TAC1: variants seen among roughly 807,000 people sequenced by gnomAD.
The protein encoded by TAC1 is tachykinin precursor 1.
In TAC1, 12 loss-of-function variants were observed where a neutral mutation model predicts 21.7. That is an observed-to-expected ratio of 0.55 (90% CI 0.35 to 0.89). The LOEUF (loss-of-function observed/expected upper bound fraction) is 0.89. Ranked by LOEUF, TAC1 falls within the 40% of genes least tolerant of loss-of-function variation. The pLI, the probability that TAC1 is intolerant of heterozygous loss-of-function variation, is 0.01. For missense variants in TAC1, 128 were observed against 151.4 expected (o/e 0.85, Z 0.81); for synonymous variants, 52 against 52.0 (o/e 1.00, Z 0.00).
chr7:97,734,155 G>A, intron 3 of TAC1, 93 bp from the exon 4 acceptor site: 2 of 1,234,854 alleles, frequency 1.6e-6, no homozygotes, highest in South Asian at 1.3e-5. Flanking sequence ...CCTGAGGTGA[G>A]AGTACATTTG....
At position 97,732,624 on chromosome 7, in the gene TAC1, C is replaced by G. The variant is rs201382322; in HGVS notation, c.12C>G (p.Leu4=). Residue 4 remains leucine, a synonymous_variant, in exon 2 of 7, where the codon CTC becomes CTG. Transcript: ENST00000319273. This position sits in a 1 kb window ranked among gnomAD's most constrained non-coding sequence, Gnocchi z 6.2. The part of the protein sequence containing the change: MKI[L]VALAVFFLVS... ...CCCAGAAATCCAACATGAAAATCCT[C>G]GTGGCCTTGGCAGTCTTTTTTCTTG... The G allele has an allele frequency of 1.6e-3, 2,555 of 1,614,156 alleles. 48 individuals are homozygous for G. The South Asian group carries it at 0.026, about 17-fold the overall frequency.
chr7:97,736,486 TG>T, intron 6 of TAC1, 134 bp downstream of exon 6: 1 of 794,640 alleles, frequency 1.3e-6, no homozygotes, highest in Non-Finnish European at 2.0e-6. Context: ...ATTTAATTGT[TG>T]TACTTGTAAC....
At chr7:97,733,597 C>T in intron 2 of TAC1, 126 bp from the exon 3 acceptor site, 2 of 836,982 alleles carry the variant, frequency 2.4e-6, no homozygotes, top group South Asian at 1.6e-5. Flanking sequence ...CCCGCTCAGC[C>T]CGAGCGTGGG....
In TAC1 at chr7:97,734,240, CTT is replaced by C; in HGVS notation, c.221-7_221-6del. 1 of 1,613,598 alleles carries C rather than the reference CTT, an allele frequency of 6.2e-7. No individual in the cohort carries two copies. Among genetic ancestry groups the C allele is most frequent in the Non-Finnish European group, 8.5e-7 (1 of 1,179,564 alleles). On this transcript the variant is annotated splice_polypyrimidine_tract_variant and splice_region_variant and intron_variant, in intron 3 of 6. Transcript: ENST00000319273. ...ACATGTAGTTAATGACAATTCGTCT[CTT>C]GTCAGATTCCTCAATTGAAAAACAA...
rs758561919 is a variant in TAC1 at position 97,739,971 on chromosome 7, A to G, written c.*51A>G. On this transcript the variant is annotated 3_prime_UTR_variant, in exon 7 of 7. Coordinates refer to ENST00000319273, the MANE Select transcript of TAC1 (RefSeq NM_003182.3). ...GCTTCATTTGTGTCAATGGGCAATG[A>G]CAGGTAAATTAAGACATGCACTATG... 2 of 1,338,706 alleles carry G rather than the reference A, an allele frequency of 1.5e-6. No homozygotes were observed. The highest frequency in any genetic ancestry group is 2.6e-5 in the South Asian group (2 of 76,698). The allele number at this position is 1,338,706 out of a possible 1,614,324, so 82.9% of individuals were successfully genotyped here.
chr7:97,738,997 A>AAATATAATAT (rs573282115), intron 6 of TAC1, among the ~76,000 whole-genome samples: 55 of 148,436 alleles, frequency 3.7e-4, no homozygotes, highest in African/African-American at 1.2e-3. Context: ...TATATATAAT[A>AAATATAATAT]AATATAATAT....
chr7:97,736,238 T>G, intron 5 of TAC1, 61 bp from the exon 6 acceptor site: 1 of 1,405,128 alleles, frequency 7.1e-7, no homozygotes. Context: ...TTGTTCTGGT[T>G]ATAATAGTTT....
chr7:97,739,015 T>TATAATATAATATAATATAATATAATATA (rs1562785791), intron 6 of TAC1, among the ~76,000 whole-genome samples: 1 of 150,186 alleles, frequency 6.7e-6, no homozygotes, highest in African/African-American at 2.4e-5. Context: ...TATAATATAA[T>TATAATATAATATAATATAATATAATATA]ATACAATTTT....
At chr7:97,734,986 G>T (rs1789548786) in intron 5 of TAC1, 137 bp downstream of exon 5, 1 of 630,492 alleles carries the variant, frequency 1.6e-6, no homozygotes, top group East Asian at 2.9e-5. Context: ...AAGAATGGGG[G>T]AGATTCATAT....
Position 97,732,396 on chromosome 7 carries a change from G to A in TAC1, c.-10+201G>A, listed in dbSNP as rs1211219586. ...GTTGGTGGGTTAGGGGGCTGGGGGA[G>A]TTGGGATTCAGGGAGAAGAGGGTTG... On this transcript the variant is annotated intron_variant, in intron 1 of 6. Transcript: ENST00000319273. This position sits in a 1 kb window ranked among gnomAD's most constrained non-coding sequence, Gnocchi z 6.2. 1.3e-5 allele frequency among the ~76,000 whole-genome samples: 2 copies of A among 152,198 alleles called. No individual in the cohort carries two copies. The highest frequency in any genetic ancestry group is 2.9e-5 in the Non-Finnish European group (2 of 68,034).
At position 97,734,779 on chromosome 7, in the gene TAC1, T is replaced by C. The variant is rs774692996; in HGVS notation, c.266-47T>C. The C allele has an allele frequency of 9.5e-6, 14 of 1,466,894 alleles. No individual in the cohort carries two copies. In the African/African-American group the frequency reaches 2.0e-4, roughly 21 times the overall value. 90.9% of individuals were successfully genotyped at this position (1,466,894 alleles called of 1,614,324 possible). On this transcript the variant is annotated intron_variant, in intron 4 of 6. Transcript: ENST00000319273. Reference sequence around the variant, plus strand: ...TTTATAAAAGATATAATGTAGCATCTTTAAAAACAAATCTATATGTGTTTG... The same window carrying C: ...TTTATAAAAGATATAATGTAGCATCCTTAAAAACAAATCTATATGTGTTTG...
Position 97,732,841 on chromosome 7 carries a change from GGAAA to G in TAC1, c.123+109_123+112del, listed in dbSNP as rs1392339287. 7 of 1,414,704 alleles carry G rather than the reference GGAAA, an allele frequency of 4.9e-6. No homozygotes were observed. The highest frequency in any genetic ancestry group is 6.7e-6 in the Non-Finnish European group (7 of 1,050,988). The allele number at this position is 1,414,704 out of a possible 1,614,324, so 87.6% of individuals were successfully genotyped here. A position where few individuals can be genotyped will look rare whatever the true frequency, so the allele number is the denominator to read the frequency against. On this transcript the variant is annotated intron_variant, in intron 2 of 6. Transcript: ENST00000319273. The surrounding 1 kb of genome is among the most constrained non-coding windows in gnomAD (Gnocchi z 6.2). ...TTAACGTGGCACGCACCGCCACCAC[GGAAA>G]GAGGCAGCGGTTGCGTGCGAGAGGA...
At position 97,732,885 on chromosome 7, in the gene TAC1, A is replaced by C; in HGVS notation, c.123+150A>C. ...GTGCGAGAGGATGGAAAGGGGCACT[A>C]TTTCCCGGGTTCCCCACGGGATTTT... is the stretch of plus-strand genomic sequence containing the variant. On this transcript the variant is annotated intron_variant, in intron 2 of 6. Transcript: ENST00000319273. The surrounding 1 kb of genome is among the most constrained non-coding windows in gnomAD (Gnocchi z 6.2). 9.6e-7 allele frequency: 1 copy of C among 1,043,612 alleles called. No homozygotes were observed. Among genetic ancestry groups the C allele is most frequent in the Non-Finnish European group, 1.3e-6 (1 of 740,740 alleles). 64.6% of individuals were successfully genotyped at this position (1,043,612 alleles called of 1,614,324 possible). A position where few individuals can be genotyped will look rare whatever the true frequency, so the allele number is the denominator to read the frequency against.
At position 97,736,290 on chromosome 7, in the gene TAC1, T is replaced by C. The variant is rs778794091; in HGVS notation, c.290-9T>C. On this transcript the variant is annotated splice_polypyrimidine_tract_variant and intron_variant, in intron 5 of 6. Transcript: ENST00000319273. The stretch of plus-strand genomic sequence containing the variant: ...ACATATTAAAATACCCCTAAATGTA[T>C]TTTTCCAGGACATAAAACAGATTCC... The C allele has an allele frequency of 1.5e-4, 234 of 1,608,904 alleles. No individual in the cohort carries two copies. Among genetic ancestry groups the C allele is most frequent in the Non-Finnish European group, 1.7e-4 (195 of 1,176,914 alleles).
intron 4 of TAC1, 149 bp from the exon 5 acceptor site, chr7:97,734,677 T>A (rs543510264): frequency 6.2e-6 from 4 of 644,212 alleles, no homozygotes; most frequent in Non-Finnish European, 1.1e-5. Flanking sequence ...ATAATTTGTT[T>A]AGCATTTATG....
rs200732387 is a variant in TAC1, at chr7:97,736,259, A to C, written c.290-40A>C. The C allele has an allele frequency of 1.0e-4, 157 of 1,541,996 alleles. No homozygotes were observed. In the East Asian group the frequency reaches 2.7e-3, roughly 26 times the overall value. On this transcript the variant is annotated intron_variant, in intron 5 of 6. Coordinates refer to ENST00000319273, the MANE Select transcript of TAC1 (RefSeq NM_003182.3). ...TGGTTATAATAGTTTGTTTCCTCAA[A>C]GATATACATATTAAAATACCCCTAA...
Position 97,732,760 on chromosome 7 carries a change from C to A in TAC1, c.123+25C>A. ...GGTGAGGCCCCTTCCCAGGACGGCC[C>A]GCACCCTTCTTCCTGGGCTCGGGAG... On this transcript the variant is annotated intron_variant, in intron 2 of 6. Transcript: ENST00000319273. This position sits in a 1 kb window ranked among gnomAD's most constrained non-coding sequence, Gnocchi z 6.2. 1 of 1,606,360 alleles carries A rather than the reference C, an allele frequency of 6.2e-7. No homozygotes were observed. The highest frequency in any genetic ancestry group is 8.5e-7 in the Non-Finnish European group (1 of 1,176,172).
Position 97,732,224 on chromosome 7 carries a change from C to T in TAC1, c.-10+29C>T. On this transcript the variant is annotated intron_variant, in intron 1 of 6. Coordinates refer to ENST00000319273, the MANE Select transcript of TAC1 (RefSeq NM_003182.3). The surrounding 1 kb of genome is among the most constrained non-coding windows in gnomAD (Gnocchi z 6.2). ...AGTGCCCGCGCGGTGCTGGCCGCGG[C>T]TGCCCGGGTCACCCCGCCCCGCATC... is the stretch of plus-strand genomic sequence containing the variant. 1 of 162,044 alleles carries T rather than the reference C, an allele frequency of 6.2e-6. No homozygotes were observed. Among genetic ancestry groups the T allele is most frequent in the Non-Finnish European group, 1.3e-5 (1 of 74,126 alleles). The allele number at this position is 162,044 out of a possible 1,614,324, so 10.0% of individuals were successfully genotyped here. A position where few individuals can be genotyped will look rare whatever the true frequency, so the allele number is the denominator to read the frequency against.
intron 4 of TAC1, 124 bp downstream of exon 4, chr7:97,734,416 G>A: frequency 1.3e-6 from 1 of 791,462 alleles, no homozygotes; most frequent in East Asian, 2.7e-5. Flanking sequence ...AGATGGATTT[G>A]CGCACTCTCT....
Sources: gnomAD v4.1 joint callset for allele counts (sites outside exome capture counted in the v4.1 genomes callset) on GRCh38, gnomAD v4.1.1 for gene constraint, Gnocchi (gnomAD v3.1) non-coding constraint, MANE v1.5 for transcripts, NCBI Gene and HGNC (gene_info 2026-07-23, HGNC 2026-07-21) for gene names.